Variants in NRBP1 observed in about 807,000 individuals in gnomAD.
The protein encoded by NRBP1 is nuclear receptor binding protein 1.
In NRBP1, 10 loss-of-function variants were observed where a neutral mutation model predicts 76.0. The observed-to-expected ratio is 0.13, with a 90% CI of 0.08 to 0.22. The LOEUF (loss-of-function observed/expected upper bound fraction) is 0.22, where lower values mean the gene tolerates loss of function less well. Ranked by LOEUF, NRBP1 falls within the 10% of genes least tolerant of loss-of-function variation. The pLI is 1.00. For synonymous variants in NRBP1, 235 were observed against 240.2 expected (o/e 0.98, Z 0.20); for missense variants, 344 against 646.0 (o/e 0.53, Z 5.07).
chr2:27,440,444 A>G lies in NRBP1; in HGVS notation c.1078A>G (p.Met360Val), dbSNP rs1433522225. The G allele has an allele frequency of 8.7e-6, 14 of 1,613,982 alleles. No individual in the cohort carries two copies. Among genetic ancestry groups the G allele is most frequent in the Non-Finnish European group, 1.1e-5 (13 of 1,179,972 alleles). The part of the protein sequence containing the change: ...ENALEEITKN[M>V]DTSAVLAEIP... Reference sequence around the variant, plus strand: ...CGCTCTAGAGGAGATCACCAAAAACATGGATACTAGTGCCGTACTGGCTGA... The same window carrying G: ...CGCTCTAGAGGAGATCACCAAAAACGTGGATACTAGTGCCGTACTGGCTGA... The change falls in exon 12 of 18, where the codon ATG (methionine) becomes GTG (valine). Residue 360 changes from methionine (M) to valine (V), a missense_variant. Around this residue, in one of 3 missense-constraint regions of NRBP1, gnomAD observed 218 missense variants for 309.8 expected, o/e 0.70. Coordinates refer to ENST00000379852, the MANE Select transcript of NRBP1 (RefSeq NM_013392.4).
Position 27,434,781 on chromosome 2 carries a change from G to A in NRBP1, c.566+19G>A, listed in dbSNP as rs1471094042. The A allele has an allele frequency of 1.2e-6, 2 of 1,612,522 alleles. No individual in the cohort carries two copies. Among genetic ancestry groups the A allele is most frequent in the Non-Finnish European group, 1.7e-6 (2 of 1,178,618 alleles). On this transcript the variant is annotated intron_variant, in intron 6 of 17. Transcript: ENST00000379852. ...CCCTAAGGTAAGTAGTACCTGGTTA[G>A]TTTCTTACCCATATTTCCTGATGTA...
chr2:27,437,497 T>C (rs1174925950), intron 10 of NRBP1, 137 bp downstream of exon 10: 6 of 668,930 alleles, frequency 9.0e-6, no homozygotes, highest in Non-Finnish European at 1.6e-5. Context: ...CTATAAACAT[T>C]TTCTTAGGAG....
In NRBP1 at chr2:27,434,907, C is replaced by CTA. The variant is rs1398199071; in HGVS notation, c.566+146_566+147insAT. ...TGTCAAGATTAGGGCCCCTACGGGT[C>CTA]TTTTAAAGGGTGCGTCCTAATGCCC... is the stretch of plus-strand genomic sequence containing the variant. On this transcript the variant is annotated intron_variant, in intron 6 of 17. Coordinates refer to ENST00000379852, the MANE Select transcript of NRBP1 (RefSeq NM_013392.4). The CTA allele has an allele frequency of 2.6e-5, 22 of 861,056 alleles. No individual in the cohort carries two copies. The East Asian group carries it at 5.3e-4, about 21-fold the overall frequency. 53.3% of individuals were successfully genotyped at this position (861,056 alleles called of 1,614,324 possible).
At chr2:27,434,432 C>T in intron 4 of NRBP1, 39 bp from the exon 5 acceptor site, 1 of 1,319,036 alleles carries the variant, frequency 7.6e-7, no homozygotes. Context: ...GGGATCATTT[C>T]TACTATAAGG....
Position 27,440,869 on chromosome 2 carries a change from G to C in NRBP1, c.1258G>C (p.Val420Leu), listed in dbSNP as rs1664515698. ...GCCCCAGCAGCCACAGCAGGAGGAGGTGACATCACCTGTCGTGCCCCCCTC... is the reference window on the plus strand; with the variant it reads ...GCCCCAGCAGCCACAGCAGGAGGAGCTGACATCACCTGTCGTGCCCCCCTC... ...PRPQQPQQEE[V>L]TSPVVPPSVK... Residue 420 changes from valine to leucine, a missense_variant, in exon 14 of 18, where the codon GTG (valine) becomes CTG (leucine). Physicochemically the swap from Val to Leu is conservative, Grantham distance 32. Coordinates refer to ENST00000379852, the MANE Select transcript of NRBP1 (RefSeq NM_013392.4). 6.2e-7 allele frequency: 1 copy of C among 1,613,982 alleles called. No individual in the cohort carries two copies. The highest frequency in any genetic ancestry group is 8.5e-7 in the Non-Finnish European group (1 of 1,180,048).
chr2:27,440,420 G>T lies in NRBP1; in HGVS notation c.1054G>T (p.Ala352Ser). 1.2e-6 allele frequency: 2 copies of T among 1,612,296 alleles called. No homozygotes were observed. Among genetic ancestry groups the T allele is most frequent in the Non-Finnish European group, 1.7e-6 (2 of 1,178,472 alleles). Residue 352 changes from alanine (A) to serine (S), a missense_variant, in exon 12 of 18, where the codon GCT becomes TCT. Ala to Ser is a moderately conservative substitution (Grantham distance 99). Around this residue, in one of 3 missense-constraint regions of NRBP1, gnomAD observed 218 missense variants for 309.8 expected, o/e 0.70. Transcript: ENST00000379852. ...CCCTCCAGACATGATCCCAGAGAACGCTCTAGAGGAGATCACCAAAAACAT... is the reference window on the plus strand; with the variant it reads ...CCCTCCAGACATGATCCCAGAGAACTCTCTAGAGGAGATCACCAAAAACAT... Reference protein sequence around the residue: ...VGHQHMIPENALEEITKNMDT... With the variant: ...VGHQHMIPENSLEEITKNMDT...
At position 27,437,490 on chromosome 2, in the gene NRBP1, TA is replaced by T. The variant is rs1394339773; in HGVS notation, c.903+133del. On this transcript the variant is annotated intron_variant, in intron 10 of 17. Coordinates refer to ENST00000379852, the MANE Select transcript of NRBP1 (RefSeq NM_013392.4). ...TAACAGAAAGGACACGAAAAATCTA[TA>T]AACATTTTCTTAGGAGGTGCCTACC... 1.0e-5 allele frequency: 7 copies of T among 692,972 alleles called. No homozygotes were observed. The East Asian group carries it at 1.1e-4, about 11-fold the overall frequency. The allele number at this position is 692,972 out of a possible 1,614,324, so 42.9% of individuals were successfully genotyped here. A position where few individuals can be genotyped will look rare whatever the true frequency, so the allele number is the denominator to read the frequency against.
In NRBP1 at chr2:27,433,209, G is replaced by T. The variant is rs1361440962; in HGVS notation, c.-20-45G>T. On this transcript the variant is annotated intron_variant, in intron 1 of 17. Coordinates refer to ENST00000379852, the MANE Select transcript of NRBP1 (RefSeq NM_013392.4). ...TACTAAATCTTTACAGATGTATCCTGACTTTCTCTGCCTTTTCCCTCTGTA... is the reference window on the plus strand; with the variant it reads ...TACTAAATCTTTACAGATGTATCCTTACTTTCTCTGCCTTTTCCCTCTGTA... The T allele has an allele frequency of 4.3e-6, 6 of 1,381,346 alleles. No homozygotes were observed. In the Admixed American group the frequency reaches 6.8e-5, roughly 16 times the overall value. 85.6% of individuals were successfully genotyped at this position (1,381,346 alleles called of 1,614,324 possible).
intron 1 of NRBP1, among the ~76,000 whole-genome samples, chr2:27,431,320 CCTATATCAGAT>C (rs1664108144): frequency 6.6e-6 from 1 of 152,042 alleles, no homozygotes; most frequent in Non-Finnish European, 1.5e-5. Context: ...AAATAAATAA[CCTATATCAGAT>C]CTAGTCCCCC....
Position 27,440,688 on chromosome 2 carries a change from C to G in NRBP1, c.1179C>G (p.Phe393Leu). Residue 393 changes from phenylalanine to leucine, a missense_variant, in exon 13 of 18, where the codon TTC (phenylalanine) becomes TTG (leucine). Transcript: ENST00000379852. The stretch of plus-strand genomic sequence containing the variant: ...CACCAGCTCTGGAATTAGATAAATT[C>G]CTTGAAGATGTCAGGTGAGAGCAGA... ...SQSPALELDK[F>L]LEDVRNGIYP... 2 of 1,614,202 alleles carry G rather than the reference C, an allele frequency of 1.2e-6. No individual in the cohort carries two copies. Among genetic ancestry groups the G allele is most frequent in the Non-Finnish European group, 1.7e-6 (2 of 1,180,026 alleles).
chr2:27,429,067 G>C (rs1428893682), intron 1 of NRBP1: 1 of 181,828 alleles, frequency 5.5e-6, no homozygotes, highest in Non-Finnish European at 1.1e-5. Context: ...CGGCGGTCGC[G>C]GCCCGGCGGC....
At chr2:27,435,649 C>T in intron 7 of NRBP1, 1 of 717,372 alleles carries the variant, frequency 1.4e-6, no homozygotes, top group East Asian at 2.7e-5. Flanking sequence ...TTGTCTGGGG[C>T]TTGGCTGCTC....
chr2:27,433,649 T>C, intron 2 of NRBP1, 24 bp from the exon 3 acceptor site: 1 of 1,613,988 alleles, frequency 6.2e-7, no homozygotes, highest in African/African-American at 1.3e-5. Context: ...AGTTTAATTC[T>C]CTTTCATATG....
intron 16 of NRBP1, 101 bp from the exon 17 acceptor site, chr2:27,441,466 T>TG (rs1664556581): frequency 6.9e-7 from 1 of 1,457,890 alleles, no homozygotes; most frequent in African/African-American, 1.4e-5. Flanking sequence ...CCTAAAGCAG[T>TG]GGGTGGATCT....
chr2:27,428,867 C>G, intron 1 of NRBP1, 136 bp downstream of exon 1: 1 of 397,472 alleles, frequency 2.5e-6, no homozygotes, highest in Non-Finnish European at 4.4e-6. Flanking sequence ...TAGCCCAGGC[C>G]CGATCGGGCC....
intron 6 of NRBP1, 49 bp from the exon 7 acceptor site, chr2:27,435,084 C>T: frequency 3.4e-6 from 4 of 1,193,026 alleles, no homozygotes; most frequent in Middle Eastern, 4.1e-4. Flanking sequence ...TGGGTTCCCC[C>T]TGCCCTTAAT....
rs1235135211 is a variant in NRBP1, at chr2:27,434,565, A to G, written c.525+5A>G. ...CACAAGACGATGAATGAAAAGGTAT[A>G]GAAGGAGAGCAGACAAAGTTTGAGG... On this transcript the variant is annotated splice_donor_5th_base_variant and intron_variant, in intron 5 of 17. Transcript: ENST00000379852. 1.2e-6 allele frequency: 2 copies of G among 1,613,116 alleles called. No individual in the cohort carries two copies. Among genetic ancestry groups the G allele is most frequent in the Non-Finnish European group, 1.7e-6 (2 of 1,179,024 alleles).
chr2:27,439,992 ATTCT>A, intron 11 of NRBP1, 94 bp downstream of exon 11: 5 of 234,434 alleles, frequency 2.1e-5, no homozygotes, highest in South Asian at 1.1e-4. Flanking sequence ...TTCCAAAGGG[ATTCT>A]TTTTTTTTTT....
chr2:27,434,599 T>G (rs766851995), intron 5 of NRBP1, 39 bp downstream of exon 5: 3 of 1,599,806 alleles, frequency 1.9e-6, no homozygotes, highest in South Asian at 2.2e-5. Context: ...GGCTGGTTTT[T>G]GGGGGTGGTT....
Sources: allele counts gnomAD v4.1 joint callset (sites outside exome capture counted in the v4.1 genomes callset), GRCh38; gene constraint gnomAD v4.1.1; regional missense constraint gnomAD v4.1.1; transcripts MANE v1.5; gene names NCBI Gene and HGNC (gene_info 2026-07-23, HGNC 2026-07-21).